GBE1: variants seen among roughly 807,000 people sequenced by gnomAD.
The protein encoded by GBE1 is 1,4-alpha-glucan-branching enzyme.
A neutral mutation model predicts 88.8 loss-of-function variants in GBE1; 70 were observed. That is an observed-to-expected ratio of 0.79 (90% CI 0.65 to 0.96). The LOEUF is 0.96. GBE1 is among the 40% of genes least tolerant of loss of function. The probability of loss-of-function intolerance (pLI) is 0.00; values close to 1 mark genes in which losing one functional copy is unlikely to be tolerated. For synonymous variants in GBE1, 284 were observed against 300.1 expected (o/e 0.95, Z 0.56); for missense variants, 872 against 871.0 (o/e 1.00, Z -0.01).
At chr3:81,615,389 T>C (rs947841704) in intron 7 of GBE1, among the ~76,000 whole-genome samples, 1 of 152,170 alleles carries the variant, frequency 6.6e-6, no homozygotes, top group Non-Finnish European at 1.5e-5. Context: ...ATTGTGTCAC[T>C]AGAAGGAATC....
At chr3:81,691,715 GC>G (rs1241590625) in intron 2 of GBE1, among the ~76,000 whole-genome samples, 1 of 152,092 alleles carries the variant, frequency 6.6e-6, no homozygotes, top group African/African-American at 2.4e-5. Flanking sequence ...GGAGTTGGAG[GC>G]CGCATTAAGC....
In GBE1 at chr3:81,497,193, C is replaced by G. The variant is rs142937149; in HGVS notation, c.2052+1917G>C. Among the ~76,000 whole-genome samples the G allele has an allele frequency of 4.8e-3, 736 of 152,276 alleles. 7 individuals carry two copies. The highest frequency in any genetic ancestry group is 0.017 in the African/African-American group (700 of 41,554). ...TTATGCCAGCAGATCTTTACTCTCA[C>G]AAAATTGAAAGGATGCCAAGATATT... On this transcript the variant is annotated intron_variant, in intron 15 of 15. Transcript: ENST00000429644.
chr3:81,533,502 T>C (rs1703035853), intron 14 of GBE1, among the ~76,000 whole-genome samples: 1 of 152,180 alleles, frequency 6.6e-6, no homozygotes, highest in African/African-American at 2.4e-5. Context: ...TAGGGAACCA[T>C]CTCTCTTTGC....
intron 2 of GBE1, among the ~76,000 whole-genome samples, chr3:81,699,178 G>A (rs1705648831): frequency 6.6e-6 from 1 of 152,062 alleles, no homozygotes; most frequent in South Asian, 2.1e-4. Context: ...TAATTGAAGG[G>A]AAGCCACATA....
chr3:81,585,149 A>G (rs1175136070), intron 10 of GBE1, among the ~76,000 whole-genome samples: 1 of 152,148 alleles, frequency 6.6e-6, no homozygotes, highest in African/African-American at 2.4e-5. Context: ...ATAATGTTTA[A>G]GGAATTATTA....
chr3:81,644,932 G>T (rs1419690800), intron 6 of GBE1, among the ~76,000 whole-genome samples: 1 of 151,658 alleles, frequency 6.6e-6, no homozygotes, highest in Non-Finnish European at 1.5e-5. Flanking sequence ...CCAGTATAAT[G>T]CCAAGATTTT....
intron 12 of GBE1, among the ~76,000 whole-genome samples, chr3:81,550,175 T>C (rs2106892689): frequency 6.6e-6 from 1 of 151,754 alleles, no homozygotes; most frequent in South Asian, 2.1e-4. Context: ...TTTACTCTTT[T>C]GGAATACATC....
chr3:81,493,529 A>T (rs1042276279), intron 15 of GBE1, among the ~76,000 whole-genome samples: 10 of 144,164 alleles, frequency 6.9e-5, no homozygotes, highest in East Asian at 2.0e-4. Flanking sequence ...GCTTGTCTAA[A>T]TTTTTTTTTT....
chr3:81,632,115 A>T lies in GBE1; in HGVS notation c.992+10666T>A, dbSNP rs192743381. On this transcript the variant is annotated intron_variant, in intron 7 of 15. Transcript: ENST00000429644. The stretch of plus-strand genomic sequence containing the variant: ...AGAATGACGGTTTCCAGCTTCATCC[A>T]TGCCCCTGCAAAGGACATGAACTCA... Among the ~76,000 whole-genome samples the T allele has an allele frequency of 2.2e-3, 342 of 152,254 alleles. 1 individual carries two copies. Among genetic ancestry groups the T allele is most frequent in the African/African-American group, 7.8e-3 (326 of 41,546 alleles).
chr3:81,730,401 C>G (rs891623626), intron 1 of GBE1, among the ~76,000 whole-genome samples: 2 of 152,168 alleles, frequency 1.3e-5, no homozygotes, highest in Non-Finnish European at 2.9e-5. Flanking sequence ...TAGCCCTTTT[C>G]ACTGTAATAA....
chr3:81,613,269 T>A (rs1041187146), intron 7 of GBE1, among the ~76,000 whole-genome samples: 1 of 151,222 alleles, frequency 6.6e-6, no homozygotes, highest in Non-Finnish European at 1.5e-5. Context: ...AGGAAAAGAG[T>A]CTCTACCCCT....
At chr3:81,684,309 C>T (rs909486827) in intron 2 of GBE1, among the ~76,000 whole-genome samples, 6 of 152,152 alleles carry the variant, frequency 3.9e-5, no homozygotes, top group Non-Finnish European at 8.8e-5. Flanking sequence ...GTGGATAATA[C>T]CTGTCTTAGA....
At chr3:81,581,769 C>G (rs1394794044) in intron 10 of GBE1, among the ~76,000 whole-genome samples, 1 of 151,966 alleles carries the variant, frequency 6.6e-6, no homozygotes, top group East Asian at 1.9e-4. Context: ...AAATAATTAC[C>G]CTCTTAACAG....
At chr3:81,575,949 T>C (rs1485881246) in intron 12 of GBE1, among the ~76,000 whole-genome samples, 2 of 152,192 alleles carry the variant, frequency 1.3e-5, no homozygotes, top group Admixed American at 1.3e-4. Context: ...ATCAGCCCCA[T>C]CTCTTACTAT....
chr3:81,540,506 C>T (rs1019453934), intron 12 of GBE1, among the ~76,000 whole-genome samples: 3 of 151,978 alleles, frequency 2.0e-5, no homozygotes, highest in Non-Finnish European at 2.9e-5. Flanking sequence ...TCTGTAAAAT[C>T]ATCATTCTGA....
chr3:81,561,519 A>T (rs1172730508), intron 12 of GBE1, among the ~76,000 whole-genome samples: 1 of 152,040 alleles, frequency 6.6e-6, no homozygotes, highest in Non-Finnish European at 1.5e-5. Context: ...GGATGATTTC[A>T]AACTGCTCCA....
intron 7 of GBE1, among the ~76,000 whole-genome samples, chr3:81,615,993 T>G (rs1704243634): frequency 1.3e-5 from 2 of 152,192 alleles, no homozygotes; most frequent in Non-Finnish European, 2.9e-5. Flanking sequence ...TCATTGTAGT[T>G]TTAGTATCCA....
intron 3 of GBE1, among the ~76,000 whole-genome samples, chr3:81,655,498 ATG>A (rs1704921031): frequency 1.3e-5 from 2 of 150,538 alleles, no homozygotes; most frequent in Middle Eastern, 3.4e-3. Context: ...GAAGAAATAA[ATG>A]TGTGTTTTTG....
At chr3:81,616,987 G>A (rs1045436925) in intron 7 of GBE1, among the ~76,000 whole-genome samples, 11 of 151,732 alleles carry the variant, frequency 7.2e-5, no homozygotes, top group Non-Finnish European at 1.2e-4. Flanking sequence ...AGAGAAGGAG[G>A]GAGAGAATAA....
Sources: gnomAD v4.1 joint callset for allele counts (sites outside exome capture counted in the v4.1 genomes callset) on GRCh38, gnomAD v4.1.1 for gene constraint, MANE v1.5 for transcripts, NCBI Gene and HGNC (gene_info 2026-07-23, HGNC 2026-07-21) for gene names.